Variants in MMP12 observed in about 807,000 individuals in gnomAD.
The protein encoded by MMP12 is macrophage metalloelastase.
In MMP12, 51 loss-of-function variants were observed where a neutral mutation model predicts 45.2. The observed-to-expected ratio is 1.13, with a 90% CI of 0.90 to 1.42. MMP12 has a LOEUF of 1.42. Ranked by LOEUF, MMP12 falls within the 40% of genes most tolerant of loss-of-function variation. The probability of loss-of-function intolerance (pLI) is 0.00; values close to 1 mark genes in which losing one functional copy is unlikely to be tolerated. For missense variants in MMP12, 530 were observed against 570.8 expected (o/e 0.93, Z 0.73); for synonymous variants, 210 against 193.3 (o/e 1.09, Z -0.72).
In MMP12 at chr11:102,864,223, G is replaced by A. The variant is rs782272486; in HGVS notation, c.1235C>T (p.Pro412Leu). ...RYDERRQMMDPGYPKLITKNF... is the reference protein window; with the variant it reads ...RYDERRQMMDLGYPKLITKNF... ...CTTGGTAATCAGTTTGGGATAACCAGGGTCCATCATCTGTCTCCTTTCATC... is the reference window on the plus strand; with the variant it reads ...CTTGGTAATCAGTTTGGGATAACCAAGGTCCATCATCTGTCTCCTTTCATC... The change falls in exon 9 of 10, where the codon CCT (proline) becomes CTT (leucine). Residue 412 changes from proline (P) to leucine (L), a missense_variant. By Grantham distance (98) the Pro-to-Leu change is moderately conservative. Coordinates refer to ENST00000571244, the MANE Select transcript of MMP12 (RefSeq NM_002426.6). The A allele has an allele frequency of 3.7e-6, 6 of 1,613,712 alleles. No individual in the cohort carries two copies. The South Asian group carries it at 6.6e-5, about 18-fold the overall frequency.
rs201987840 is a variant in MMP12, at chr11:102,867,949, C to T, written c.746G>A (p.Arg249His). 6.8e-5 allele frequency: 109 copies of T among 1,610,022 alleles called. No individual in the cohort carries two copies. The African/African-American group carries it at 8.4e-4, about 12-fold the overall frequency. Residue 249 changes from arginine to histidine, a missense_variant, in exon 5 of 10, where the codon CGC (arginine) becomes CAC (histidine). Transcript: ENST00000571244. ...TYKYVDINTF[R>H]LSADDIRGIQ... ...GCCACGTATGTCATCAGCAGAGAGG[C>T]GAAATGTGTTGATGTCAACATATTT...
At chr11:102,866,053 G>A in intron 7 of MMP12, 118 bp from the exon 8 acceptor site, 1 of 895,000 alleles carries the variant, frequency 1.1e-6, no homozygotes, top group South Asian at 2.1e-5. Flanking sequence ...ATTGCTTATT[G>A]ATCTTAAACA....
At chr11:102,863,225 G>C (rs782782970) in intron 9 of MMP12, 25 bp from the exon 10 acceptor site, 1 of 1,222,008 alleles carries the variant, frequency 8.2e-7, no homozygotes, top group African/African-American at 1.5e-5. Context: ...AAATTAAATA[G>C]TTTAATTCCC....
chr11:102,865,853 A>G lies in MMP12; in HGVS notation c.1128T>C (p.Phe376=), dbSNP rs570168153. The change falls in exon 8 of 10, where the codon TTT becomes TTC. Residue 376 remains phenylalanine, a synonymous_variant. Coordinates refer to ENST00000571244, the MANE Select transcript of MMP12 (RefSeq NM_002426.6). This position sits in a 1 kb window ranked among gnomAD's most constrained non-coding sequence, Gnocchi z 4.1. The part of the protein sequence containing the change: ...KSIHSFGFPN[F]VKKIDAAVFN... ...AAACAGCTGCATCAATTTTTTTCAC[A>G]AAGTTAGGAAAACCAAAAGAATGTA... The G allele has an allele frequency of 6.2e-7, 1 of 1,613,186 alleles. No homozygotes were observed. Among genetic ancestry groups the G allele is most frequent in the East Asian group, 2.2e-5 (1 of 44,842 alleles).
At position 102,874,926 on chromosome 11, in the gene MMP12, A is replaced by C. The variant is rs1555009894; in HGVS notation, c.12T>G (p.Leu4=). 3.8e-6 allele frequency: 6 copies of C among 1,593,184 alleles called. No individual in the cohort carries two copies. The highest frequency in any genetic ancestry group is 5.1e-6 in the Non-Finnish European group (6 of 1,168,420). The part of the protein sequence containing the change: MKF[L]LILLLQATAS... Reference sequence around the variant, plus strand: ...CAGTGGCCTGCAGGAGCAGTATTAGAAGAAACTTCATTGTAAACTTCTAAA... The same window carrying C: ...CAGTGGCCTGCAGGAGCAGTATTAGCAGAAACTTCATTGTAAACTTCTAAA... Residue 4 remains leucine, a synonymous_variant, in exon 1 of 10, where the codon CTT becomes CTG. Transcript: ENST00000571244.
At chr11:102,868,781 A>G (rs1859442218) in intron 4 of MMP12, among the ~76,000 whole-genome samples, 2 of 152,208 alleles carry the variant, frequency 1.3e-5, no homozygotes, top group South Asian at 4.1e-4. Flanking sequence ...TCTAAATAAA[A>G]TTAAAGAGTC....
intron 5 of MMP12, 36 bp downstream of exon 5, chr11:102,867,872 T>A (rs1859423174): frequency 6.3e-7 from 1 of 1,578,636 alleles, no homozygotes; most frequent in Admixed American, 1.8e-5. Flanking sequence ...AAAGCGAGTA[T>A]CTTTATATGG....
At chr11:102,868,091 G>T (rs782147022) in intron 4 of MMP12, 22 bp from the exon 5 acceptor site, 3 of 1,570,500 alleles carry the variant, frequency 1.9e-6, no homozygotes, top group East Asian at 2.3e-5. Context: ...CCAACCAAAA[G>T]ACAGCTGTGA....
At chr11:102,868,218 C>T (rs1054741846) in intron 4 of MMP12, 149 bp from the exon 5 acceptor site, 1 of 703,822 alleles carries the variant, frequency 1.4e-6, no homozygotes, top group Non-Finnish European at 2.4e-6. Flanking sequence ...CTCAGCACTT[C>T]TGACATTACA....
chr11:102,873,562 T>C (rs1555009732), intron 1 of MMP12, among the ~76,000 whole-genome samples: 1 of 151,916 alleles, frequency 6.6e-6, no homozygotes, highest in East Asian at 1.9e-4. Context: ...ATTGTACCAC[T>C]GCACTCCAGC....
chr11:102,872,294 A>G (rs1344602697), intron 2 of MMP12, among the ~76,000 whole-genome samples: 2 of 152,036 alleles, frequency 1.3e-5, no homozygotes, highest in African/African-American at 2.4e-5. Context: ...ATAGTAAATT[A>G]TCTTATTTAT....
chr11:102,867,485 A>G (rs183336228), intron 5 of MMP12, 92 bp from the exon 6 acceptor site: 1 of 1,207,482 alleles, frequency 8.3e-7, no homozygotes, highest in Non-Finnish European at 1.1e-6. Context: ...AATTTTCTTA[A>G]TGAACATTGC....
intron 1 of MMP12, among the ~76,000 whole-genome samples, chr11:102,874,039 A>AG (rs1555009782): frequency 9.4e-4 from 142 of 151,638 alleles, no homozygotes; most frequent in African/African-American, 3.3e-3. Flanking sequence ...AAAAAAAAAA[A>AG]AAAAAAGAAA....
Position 102,867,379 on chromosome 11 carries a change from T to C in MMP12, c.802A>G (p.Asn268Asp). Residue 268 changes from asparagine to aspartate, a missense_variant, in exon 6 of 10, where the codon AAC becomes GAC. Physicochemically the swap from Asn to Asp is conservative, Grantham distance 23. Transcript: ENST00000571244. ...TTGTCAGGATTTGGCAAGCGTTGGT[T>C]CTCTTTTGGGTCTCCTGAAAATACA... is the stretch of plus-strand genomic sequence containing the variant. Reference protein sequence around the residue: ...IQSLYGDPKENQRLPNPDNSE... With the variant: ...IQSLYGDPKEDQRLPNPDNSE... 1 of 1,609,576 alleles carries C rather than the reference T, an allele frequency of 6.2e-7. No homozygotes were observed. The highest frequency in any genetic ancestry group is 8.5e-7 in the Non-Finnish European group (1 of 1,178,384).
intron 9 of MMP12, 115 bp downstream of exon 9, chr11:102,864,031 G>A (rs1859339336): frequency 5.1e-6 from 4 of 777,822 alleles, no homozygotes; most frequent in Admixed American, 2.3e-5. Flanking sequence ...GCGGCCCTAT[G>A]GGGAACTGCA....
chr11:102,871,487 C>A (rs1555009301), intron 4 of MMP12, 107 bp downstream of exon 4: 6 of 1,341,266 alleles, frequency 4.5e-6, no homozygotes, highest in African/African-American at 1.5e-5. Context: ...AATCATTTGT[C>A]AGAATGTAGT....
rs2134417919 is a variant in MMP12, at chr11:102,865,784, C to T, written c.1197G>A (p.Gln399=). Residue 399 remains glutamine (Q), a synonymous_variant, in exon 8 of 10, where the codon CAG becomes CAA. Coordinates refer to ENST00000571244, the MANE Select transcript of MMP12 (RefSeq NM_002426.6). This position sits in a 1 kb window ranked among gnomAD's most constrained non-coding sequence, Gnocchi z 4.1. The part of the protein sequence containing the change: ...FYRTYFFVDN[Q]YWRYDERRQM... ...CAACCATTAAAACTCACCTCCAATA[C>T]TGGTTATCTACAAAGAAGTAGGTCC... The T allele has an allele frequency of 6.2e-7, 1 of 1,609,826 alleles. No homozygotes were observed.
In MMP12 at chr11:102,867,280, A is replaced by G; in HGVS notation, c.901T>C (p.Phe301Leu). The G allele has an allele frequency of 1.3e-6, 2 of 1,597,792 alleles. No individual in the cohort carries two copies. Among genetic ancestry groups the G allele is most frequent in the Non-Finnish European group, 1.7e-6 (2 of 1,172,700 alleles). Residue 301 changes from phenylalanine (F) to leucine (L), a missense_variant, in exon 6 of 10, where the codon TTC becomes CTC. Physicochemically the swap from Phe to Leu is conservative, Grantham distance 22. Transcript: ENST00000571244. ...TGAAAATGATCCTACCTGTCTTTGA[A>G]GAAAAAGATCTTATTTCCCACGGTA... The part of the protein sequence containing the change: ...VTTVGNKIFF[F>L]KDRFFWLKVS...
intron 8 of MMP12, 71 bp from the exon 9 acceptor site, chr11:102,864,323 T>G: frequency 1.0e-6 from 1 of 981,376 alleles, no homozygotes; most frequent in Admixed American, 1.9e-5. Context: ...CAAACCCACC[T>G]TCTCTACTGA....
Sources: gnomAD v4.1 joint callset for allele counts (sites outside exome capture counted in the v4.1 genomes callset) on GRCh38, gnomAD v4.1.1 for gene constraint, Gnocchi (gnomAD v3.1) non-coding constraint, MANE v1.5 for transcripts, NCBI Gene and HGNC (gene_info 2026-07-23, HGNC 2026-07-21) for gene names.